The following TENM3 variants were observed in gnomAD, a reference collection of about 807,000 sequenced individuals.
TENM3 encodes the protein teneurin transmembrane protein 3, also known as teneurin-3.
TENM3 carries 63 observed loss-of-function variants against 255.1 expected under a neutral mutation model. The ratio of observed to expected loss-of-function variants is 0.25; its 90% CI spans 0.20 to 0.30. The LOEUF (loss-of-function observed/expected upper bound fraction) is 0.30, where lower values mean the gene tolerates loss of function less well. Among genes scored for constraint, TENM3 ranks in the 10% least tolerant of loss-of-function variants. TENM3 has a pLI of 1.00. For missense variants in TENM3, 2,929 were observed against 3,461.1 expected (o/e 0.85, Z 3.86); for synonymous variants, 1,306 against 1,322.3 (o/e 0.99, Z 0.27).
chr4:182,417,633 GA>G (rs776736877), intron 3 of TENM3, among the ~76,000 whole-genome samples: 1 of 152,064 alleles, frequency 6.6e-6, no homozygotes, highest in Non-Finnish European at 1.5e-5. Context: ...CTTTGAGGGG[GA>G]AAAAATTGTC....
At chr4:181,731,293 G>A in the TENM3 span, among the ~76,000 whole-genome samples, 1 of 152,144 alleles carries the variant, frequency 6.6e-6, no homozygotes, top group Non-Finnish European at 1.5e-5. Context: ...TTTAAGGGAT[G>A]AGTAAAATTT....
At chr4:181,689,924 T>C in the TENM3 span, among the ~76,000 whole-genome samples, 5 of 151,980 alleles carry the variant, frequency 3.3e-5, no homozygotes, top group African/African-American at 1.2e-4. Flanking sequence ...ACGTAAAAAG[T>C]TGAGGTCAAA....
Position 182,351,561 on chromosome 4 carries a change from T to C in TENM3, c.511+4632T>C, listed in dbSNP as rs535106574. Among the ~76,000 whole-genome samples the C allele has an allele frequency of 2.0e-5, 3 of 152,300 alleles. No individual in the cohort carries two copies. The East Asian group carries it at 5.8e-4, about 29-fold the overall frequency. ...GTTCTGGAGGGGCGGAGCTCTCCTG[T>C]TGGAGTCTAGTTCCTTCTTCCAGCC... On this transcript the variant is annotated intron_variant, in intron 3 of 27. Transcript: ENST00000511685.
chr4:182,465,855 TA>T lies in TENM3; in HGVS notation c.511+118930del, dbSNP rs1386482607. On this transcript the variant is annotated intron_variant, in intron 3 of 27. Coordinates refer to ENST00000511685, the MANE Select transcript of TENM3 (RefSeq NM_001080477.4). ...AAATATTGACCAGTTGCATATAAAA[TA>T]AAATGTCTTTAAAGTTTTTTTAGTT... is the stretch of plus-strand genomic sequence containing the variant. 4.6e-5 allele frequency among the ~76,000 whole-genome samples: 7 copies of T among 152,198 alleles called. No individual in the cohort carries two copies. The East Asian group carries it at 1.3e-3, about 29-fold the overall frequency.
At chr4:181,991,073 C>T in the TENM3 span, among the ~76,000 whole-genome samples, 2 of 152,096 alleles carry the variant, frequency 1.3e-5, no homozygotes, top group African/African-American at 4.8e-5. Flanking sequence ...TTTCCTATAT[C>T]TTCTGAAATG....
chr4:182,338,078 T>C (rs1311438526), intron 2 of TENM3, among the ~76,000 whole-genome samples: 1 of 152,172 alleles, frequency 6.6e-6, no homozygotes, highest in Non-Finnish European at 1.5e-5. Context: ...TTTAGATCTA[T>C]GTATGTCACT....
At chr4:181,666,357 T>C in the TENM3 span, among the ~76,000 whole-genome samples, 2 of 152,190 alleles carry the variant, frequency 1.3e-5, no homozygotes, top group African/African-American at 4.8e-5. Flanking sequence ...TTCCATTCCA[T>C]TTTATAAAAA....
At chr4:182,061,948 C>A in the TENM3 span, among the ~76,000 whole-genome samples, 1 of 152,100 alleles carries the variant, frequency 6.6e-6, no homozygotes, top group South Asian at 2.1e-4. Flanking sequence ...CAGAGCTGGA[C>A]CCTGTCTCAA....
intron 3 of TENM3, among the ~76,000 whole-genome samples, chr4:182,551,512 A>C (rs74289534): frequency 0.03 from 4,599 of 152,240 alleles, 195 homozygotes; most frequent in East Asian, 0.1. Context: ...TTAGAAAAGG[A>C]CTGAATAAAG....
At chr4:181,716,861 C>A in the TENM3 span, among the ~76,000 whole-genome samples, 5 of 152,274 alleles carry the variant, frequency 3.3e-5, no homozygotes, top group South Asian at 1.0e-3. Flanking sequence ...CATATGAATT[C>A]TCCTTTCTCC....
At chr4:181,764,097 T>A in the TENM3 span, among the ~76,000 whole-genome samples, 1 of 152,218 alleles carries the variant, frequency 6.6e-6, no homozygotes, top group Non-Finnish European at 1.5e-5. Context: ...ATTACAATAT[T>A]CTGCTCCTCT....
the TENM3 span, among the ~76,000 whole-genome samples, chr4:181,951,458 G>T: frequency 6.6e-6 from 1 of 152,208 alleles, no homozygotes; most frequent in African/African-American, 2.4e-5. Flanking sequence ...GTTGACAGAG[G>T]TTGACACTTG....
At chr4:182,089,656 T>C in the TENM3 span, among the ~76,000 whole-genome samples, 5 of 152,206 alleles carry the variant, frequency 3.3e-5, no homozygotes. Flanking sequence ...CTAAGAAATA[T>C]ACATAATCAC....
the TENM3 span, among the ~76,000 whole-genome samples, chr4:181,574,616 T>C: frequency 2.0e-5 from 3 of 151,928 alleles, no homozygotes; most frequent in African/African-American, 7.3e-5. Flanking sequence ...ACAAAGGTCA[T>C]AGGAGACAAA....
chr4:182,195,741 C>A (rs1484483547), intron 1 of TENM3, among the ~76,000 whole-genome samples: 2 of 152,030 alleles, frequency 1.3e-5, no homozygotes, highest in Non-Finnish European at 2.9e-5. Flanking sequence ...GTCAATATGC[C>A]ATGTAAAGAC....
chr4:181,992,197 C>G, the TENM3 span, among the ~76,000 whole-genome samples: 1 of 152,100 alleles, frequency 6.6e-6, no homozygotes, highest in African/African-American at 2.4e-5. Context: ...CCAAAAGTCT[C>G]GGTACCTGAG....
intron 4 of TENM3, among the ~76,000 whole-genome samples, chr4:182,607,021 C>A (rs1293523418): frequency 6.6e-6 from 1 of 152,104 alleles, no homozygotes; most frequent in Non-Finnish European, 1.5e-5. Context: ...AATGTGAGGT[C>A]ACATATTTAA....
At chr4:181,647,994 A>G in the TENM3 span, among the ~76,000 whole-genome samples, 3 of 152,184 alleles carry the variant, frequency 2.0e-5, no homozygotes, top group African/African-American at 7.2e-5. Context: ...ATTAACAGGG[A>G]CGCTCAACTC....
the TENM3 span, among the ~76,000 whole-genome samples, chr4:181,449,920 T>A: frequency 0.13 from 20,023 of 152,196 alleles, 1,499 homozygotes; most frequent in East Asian, 0.28. Context: ...CTGCAGAAAT[T>A]AAATAGAATT....
Sources: allele counts gnomAD v4.1 joint callset (sites outside exome capture counted in the v4.1 genomes callset), GRCh38; gene constraint gnomAD v4.1.1; transcripts MANE v1.5; gene names NCBI Gene and HGNC (gene_info 2026-07-23, HGNC 2026-07-21).